Variants in STXBP5L observed in about 807,000 individuals in gnomAD.
The protein encoded by STXBP5L is syntaxin-binding protein 5-like.
Under a neutral mutation model 144.5 loss-of-function variants are expected in STXBP5L, and 65 were observed. That is an observed-to-expected ratio of 0.45 (90% confidence interval 0.37 to 0.55). STXBP5L has a LOEUF of 0.55. STXBP5L is among the 20% of genes least tolerant of loss of function. STXBP5L has a pLI of 0.00. For missense variants in STXBP5L, 1,298 were observed against 1,405.5 expected, an observed-to-expected ratio of 0.92 and a Z score of 1.22; for synonymous variants, 505 against 469.6, an observed-to-expected ratio of 1.08 and a Z score of -0.97.
chr3:121,228,701 C>T (rs909230806), intron 11 of STXBP5L, among the ~76,000 whole-genome samples: 4 of 151,878 alleles, frequency 2.6e-5, no homozygotes, highest in Admixed American at 6.6e-5. Flanking sequence ...CATGGTGAAA[C>T]CCCCGTCTCT....
At chr3:120,988,625 G>T (rs1045724386) in intron 3 of STXBP5L, among the ~76,000 whole-genome samples, 2 of 151,998 alleles carry the variant, frequency 1.3e-5, no homozygotes, top group Non-Finnish European at 2.9e-5. Flanking sequence ...GATACTGTTG[G>T]TTGATTGTGT....
At chr3:121,118,260 T>G (rs2044314063) in intron 6 of STXBP5L, among the ~76,000 whole-genome samples, 1 of 151,744 alleles carries the variant, frequency 6.6e-6, no homozygotes, top group South Asian at 2.1e-4. Flanking sequence ...AGGACATCTA[T>G]TATAATATAG....
chr3:121,411,213 T>C (rs1377410082), intron 23 of STXBP5L, among the ~76,000 whole-genome samples: 17 of 152,122 alleles, frequency 1.1e-4, no homozygotes, highest in Admixed American at 1.1e-3. Flanking sequence ...GCTCAATAGC[T>C]ACATGTGGTT....
chr3:121,254,954 G>A lies in STXBP5L; in HGVS notation c.1501G>A (p.Gly501Arg), dbSNP rs867142254. Residue 501 changes from glycine to arginine, a missense_variant, in exon 16 of 27, where the codon GGA (glycine) becomes AGA (arginine). By Grantham distance (125) the Gly-to-Arg change is moderately radical. Coordinates refer to ENST00000471454, the MANE Select transcript of STXBP5L (RefSeq NM_001308330.2). ...TSKVFEKQKV[G>R]EGKQTCEIVE... ...AAAAGTGTTTGAAAAACAGAAGGTA[G>A]GAGAAGGAAAACAAACATGTGAAAT... 1 of 1,613,522 alleles carries A rather than the reference G, an allele frequency of 6.2e-7. No homozygotes were observed. The highest frequency in any genetic ancestry group is 8.5e-7 in the Non-Finnish European group (1 of 1,179,672).
intron 3 of STXBP5L, among the ~76,000 whole-genome samples, chr3:120,987,052 T>C (rs1013410745): frequency 3.3e-5 from 5 of 151,920 alleles, no homozygotes; most frequent in African/African-American, 4.8e-5. Context: ...TTTCCGAATT[T>C]GATGAAAGAA....
chr3:121,188,466 C>T (rs944168482), intron 9 of STXBP5L, among the ~76,000 whole-genome samples: 1 of 150,016 alleles, frequency 6.7e-6, no homozygotes, highest in Non-Finnish European at 1.5e-5. Context: ...AAGGCAAAGC[C>T]TTCATTCATA....
At chr3:121,344,780 T>C (rs2044884844) in intron 20 of STXBP5L, among the ~76,000 whole-genome samples, 1 of 151,752 alleles carries the variant, frequency 6.6e-6, no homozygotes, top group Non-Finnish European at 1.5e-5. Context: ...ATTATACTAA[T>C]TTCACCTTTC....
chr3:121,368,536 G>A (rs1451277438), intron 20 of STXBP5L, among the ~76,000 whole-genome samples: 1 of 150,834 alleles, frequency 6.6e-6, no homozygotes, highest in African/African-American at 2.4e-5. Flanking sequence ...CTGTCTCTTT[G>A]TGTACATTAT....
chr3:121,041,211 A>G (rs1303403509), intron 3 of STXBP5L, among the ~76,000 whole-genome samples: 1 of 150,318 alleles, frequency 6.7e-6, no homozygotes, highest in Non-Finnish European at 1.5e-5. Context: ...GATGTTTTAT[A>G]CTTTTATTTA....
chr3:121,171,504 CAA>C (rs1328420223), intron 9 of STXBP5L, among the ~76,000 whole-genome samples: 1 of 152,158 alleles, frequency 6.6e-6, no homozygotes, highest in Admixed American at 6.5e-5. Context: ...GCAACTTAAG[CAA>C]AGTCTCAGAA....
intron 3 of STXBP5L, among the ~76,000 whole-genome samples, chr3:120,978,950 C>T (rs906562562): frequency 4.6e-5 from 7 of 152,236 alleles, no homozygotes; most frequent in Non-Finnish European, 5.9e-5. Context: ...GTCAGTCTGC[C>T]CTTACTGGGG....
chr3:121,021,929 A>G (rs1019945140), intron 3 of STXBP5L, among the ~76,000 whole-genome samples: 2 of 152,190 alleles, frequency 1.3e-5, no homozygotes, highest in Non-Finnish European at 2.9e-5. Context: ...ACAGAGCAGA[A>G]CTAAATGAAA....
At chr3:120,950,379 T>C (rs967472541) in intron 2 of STXBP5L, among the ~76,000 whole-genome samples, 5 of 152,078 alleles carry the variant, frequency 3.3e-5, no homozygotes, top group East Asian at 1.9e-4. Context: ...TTAATCTATA[T>C]GTCTATCCTT....
At chr3:121,224,284 C>T (rs9862691) in intron 11 of STXBP5L, among the ~76,000 whole-genome samples, 15,115 of 152,078 alleles carry the variant, frequency 0.099, 1,179 homozygotes, top group Admixed American at 0.2. Context: ...TTGTGAGTTC[C>T]ACTATTATAT....
chr3:121,269,138 G>A (rs2050662520), intron 18 of STXBP5L, among the ~76,000 whole-genome samples: 1 of 151,886 alleles, frequency 6.6e-6, no homozygotes, highest in South Asian at 2.1e-4. Flanking sequence ...CATTAAGGGG[G>A]GAAAAAAGCA....
intron 7 of STXBP5L, among the ~76,000 whole-genome samples, chr3:121,123,640 A>C (rs1459282975): frequency 6.6e-6 from 1 of 151,762 alleles, no homozygotes; most frequent in Non-Finnish European, 1.5e-5. Flanking sequence ...AAATGGTCAA[A>C]GTTATTCTTA....
At chr3:121,360,546 T>A (rs2045681925) in intron 20 of STXBP5L, among the ~76,000 whole-genome samples, 1 of 152,106 alleles carries the variant, frequency 6.6e-6, no homozygotes, top group Admixed American at 6.6e-5. Flanking sequence ...CTGCTTTTTA[T>A]TTTTTGTGTA....
At chr3:120,970,449 G>A (rs1414873166) in intron 3 of STXBP5L, among the ~76,000 whole-genome samples, 2 of 152,114 alleles carry the variant, frequency 1.3e-5, no homozygotes, top group African/African-American at 4.8e-5. Context: ...GCTGGGTACA[G>A]TATTTTTGGA....
intron 20 of STXBP5L, among the ~76,000 whole-genome samples, chr3:121,349,896 T>C (rs2045196658): frequency 6.6e-6 from 1 of 152,110 alleles, no homozygotes; most frequent in African/African-American, 2.4e-5. Flanking sequence ...CACTGATGGG[T>C]CTTGACTCTT....
Sources: allele counts gnomAD v4.1 joint callset (sites outside exome capture counted in the v4.1 genomes callset), GRCh38; gene constraint gnomAD v4.1.1; transcripts MANE v1.5; gene names NCBI Gene and HGNC (gene_info 2026-07-23, HGNC 2026-07-21).